The following MAGI2 variants were observed in gnomAD, a reference collection of about 807,000 sequenced individuals.
The protein encoded by MAGI2 is membrane associated guanylate kinase, WW and PDZ domain containing 2.
MAGI2 carries 35 observed loss-of-function variants against 133.3 expected under a neutral mutation model. The ratio of observed to expected loss-of-function variants is 0.26; its 90% confidence interval spans 0.20 to 0.35. The LOEUF (loss-of-function observed/expected upper bound fraction) is 0.35, where lower values mean the gene tolerates loss of function less well. Among genes scored for constraint, MAGI2 ranks in the 10% least tolerant of loss-of-function variants. The pLI is 1.00. For synonymous variants in MAGI2, 729 were observed against 710.6 expected (o/e 1.03, Z -0.41); for missense variants, 1,636 against 1,863.4 (o/e 0.88, Z 2.25).
At chr7:79,209,806 T>G (rs1158927635) in intron 1 of MAGI2, among the ~76,000 whole-genome samples, 1 of 152,086 alleles carries the variant, frequency 6.6e-6, no homozygotes, top group African/African-American at 2.4e-5. Flanking sequence ...TTAATATTTA[T>G]CTCCTCTATA....
At chr7:78,032,079 C>G (rs1054389123) in intron 21 of MAGI2, among the ~76,000 whole-genome samples, 2 of 150,782 alleles carry the variant, frequency 1.3e-5, no homozygotes, top group Non-Finnish European at 2.9e-5. Context: ...AAATAGAGCC[C>G]CTGTGCCTGG....
Position 78,126,202 on chromosome 7 carries a change from G to GTGTGTGTA in MAGI2, c.3424-366_3424-365insTACACACA, listed in dbSNP as rs1303499142. On this transcript the variant is annotated intron_variant, in intron 19 of 21. Coordinates refer to ENST00000354212, the MANE Select transcript of MAGI2 (RefSeq NM_012301.4). ...CCATAAATAAATGTCAGGTGTGTGT[G>GTGTGTGTA]TGTGTGTGTGTGTGTGTGTGTACAA... Among the ~76,000 whole-genome samples, 26 of 151,762 alleles carry GTGTGTGTA rather than the reference G, an allele frequency of 1.7e-4. 1 individual carries two copies. The highest frequency in any genetic ancestry group is 1.7e-3 in the Admixed American group (26 of 15,244).
intron 3 of MAGI2, among the ~76,000 whole-genome samples, chr7:78,551,192 A>G (rs1293503131): frequency 6.6e-6 from 1 of 152,190 alleles, no homozygotes; most frequent in African/African-American, 2.4e-5. Flanking sequence ...GACTTAGCCA[A>G]ATCAGTATAT....
intron 1 of MAGI2, among the ~76,000 whole-genome samples, chr7:79,180,116 A>T (rs1178910408): frequency 6.6e-6 from 1 of 152,066 alleles, no homozygotes; most frequent in East Asian, 1.9e-4. Context: ...ACACGAATTG[A>T]TATCTTTCAA....
Position 79,157,479 on chromosome 7 carries a change from C to T in MAGI2, c.302-150273G>A, listed in dbSNP as rs147613707. 6.4e-3 allele frequency among the ~76,000 whole-genome samples: 972 copies of T among 151,382 alleles called. 14 individuals carry two copies. Among genetic ancestry groups the T allele is most frequent in the African/African-American group, 0.023 (932 of 41,256 alleles). ...GTGGAAATGACTCAATGGTGACACA[C>T]TATGGAGTCTTGCCTGTAAGCAGCA... On this transcript the variant is annotated intron_variant, in intron 1 of 21. Transcript: ENST00000354212.
At chr7:78,446,791 C>A (rs143877106) in intron 6 of MAGI2, among the ~76,000 whole-genome samples, 1 of 152,192 alleles carries the variant, frequency 6.6e-6, no homozygotes, top group East Asian at 1.9e-4. Context: ...GAAGCTTCAG[C>A]AATTTCATCT....
intron 2 of MAGI2, among the ~76,000 whole-genome samples, chr7:78,687,910 C>T (rs997305137): frequency 2.4e-5 from 3 of 122,712 alleles, no homozygotes; most frequent in South Asian, 2.8e-4. Context: ...GCAGAGGTTG[C>T]GGTGAGCCGA....
At chr7:78,659,070 T>C (rs1812623645) in intron 2 of MAGI2, among the ~76,000 whole-genome samples, 1 of 152,142 alleles carries the variant, frequency 6.6e-6, no homozygotes, top group Non-Finnish European at 1.5e-5. Context: ...TAGACGTCTG[T>C]CCTTCAAGAG....
At chr7:78,371,474 T>C (rs1793909939) in intron 6 of MAGI2, among the ~76,000 whole-genome samples, 1 of 152,020 alleles carries the variant, frequency 6.6e-6, no homozygotes, top group Non-Finnish European at 1.5e-5. Flanking sequence ...AACTTATGAA[T>C]ACAGCCCTAC....
chr7:78,853,968 T>TCG (rs10687770), intron 2 of MAGI2, among the ~76,000 whole-genome samples: 1 of 151,438 alleles, frequency 6.6e-6, no homozygotes, highest in Non-Finnish European at 1.5e-5. Context: ...TCTCTCTCTC[T>TCG]CTCTCTCTCT....
chr7:79,212,790 G>A (rs1003429467), intron 1 of MAGI2, among the ~76,000 whole-genome samples: 3 of 151,954 alleles, frequency 2.0e-5, no homozygotes, highest in African/African-American at 7.3e-5. Context: ...TTAAGCTGGA[G>A]AACAGAACAA....
At chr7:78,027,029 G>A (rs1199626591) in intron 21 of MAGI2, among the ~76,000 whole-genome samples, 1 of 152,186 alleles carries the variant, frequency 6.6e-6, no homozygotes, top group Non-Finnish European at 1.5e-5. Flanking sequence ...AGACACAGAG[G>A]TTAAGGAACT....
At chr7:78,283,916 A>C (rs1197748702) in intron 9 of MAGI2, among the ~76,000 whole-genome samples, 2 of 152,148 alleles carry the variant, frequency 1.3e-5, no homozygotes, top group Admixed American at 1.3e-4. Flanking sequence ...AAATGGGAGA[A>C]AATTGATGAA....
chr7:78,152,756 G>T (rs926897443), intron 16 of MAGI2, among the ~76,000 whole-genome samples: 2 of 152,210 alleles, frequency 1.3e-5, no homozygotes, highest in South Asian at 4.1e-4. Flanking sequence ...CTTTATATAG[G>T]TTCCCCACCC....
At chr7:78,772,077 G>A (rs1292473863) in intron 2 of MAGI2, among the ~76,000 whole-genome samples, 2 of 152,124 alleles carry the variant, frequency 1.3e-5, no homozygotes, top group African/African-American at 4.8e-5. Context: ...ACCTAGTATA[G>A]TATTGAAGAT....
intron 3 of MAGI2, among the ~76,000 whole-genome samples, chr7:78,550,783 T>G (rs1799270771): frequency 6.6e-6 from 1 of 152,132 alleles, no homozygotes; most frequent in African/African-American, 2.4e-5. Flanking sequence ...TCATGAACAT[T>G]GTGACTCTTA....
chr7:78,848,038 T>C (rs543561057), intron 2 of MAGI2, among the ~76,000 whole-genome samples: 1 of 152,054 alleles, frequency 6.6e-6, no homozygotes, highest in Non-Finnish European at 1.5e-5. Flanking sequence ...GGTGATTTCA[T>C]CCAATGTCAC....
intron 2 of MAGI2, among the ~76,000 whole-genome samples, chr7:78,748,245 A>C (rs1823114629): frequency 6.6e-6 from 1 of 152,172 alleles, no homozygotes; most frequent in South Asian, 2.1e-4. Flanking sequence ...TGGAATTATG[A>C]AACTTTCATA....
intron 1 of MAGI2, among the ~76,000 whole-genome samples, chr7:79,082,366 A>G (rs1394903737): frequency 1.3e-5 from 2 of 152,048 alleles, no homozygotes; most frequent in Admixed American, 1.3e-4. Flanking sequence ...TCCATTTAAG[A>G]TTTATGATAC....
Sources: allele counts gnomAD v4.1 joint callset (sites outside exome capture counted in the v4.1 genomes callset), GRCh38; gene constraint gnomAD v4.1.1; transcripts MANE v1.5; gene names NCBI Gene and HGNC (gene_info 2026-07-23, HGNC 2026-07-21).